Variants in POU2F1 observed in about 807,000 individuals in gnomAD.
POU2F1 encodes the protein POU domain, class 2, transcription factor 1.
In POU2F1, 16 loss-of-function variants were observed where a neutral mutation model predicts 84.9. That is an observed-to-expected ratio of 0.19 (90% CI 0.13 to 0.29). The LOEUF (loss-of-function observed/expected upper bound fraction) is 0.29, where lower values mean the gene tolerates loss of function less well. POU2F1 is among the 10% of genes least tolerant of loss of function. The probability of loss-of-function intolerance (pLI) is 1.00; values close to 1 mark genes in which losing one functional copy is unlikely to be tolerated. For missense variants in POU2F1, 738 were observed against 942.6 expected, an observed-to-expected ratio of 0.78 and a Z score of 2.84; for synonymous variants, 368 against 368.3, an observed-to-expected ratio of 1.00 and a Z score of 0.01.
intron 13 of POU2F1, among the ~76,000 whole-genome samples, chr1:167,410,712 C>T (rs1571465737): frequency 6.6e-6 from 1 of 151,912 alleles, no homozygotes; most frequent in Non-Finnish European, 1.5e-5. Context: ...GACGGGGTTT[C>T]ACCACATTGG....
intron 1 of POU2F1, among the ~76,000 whole-genome samples, chr1:167,258,911 G>A (rs549552859): frequency 6.6e-6 from 1 of 152,260 alleles, no homozygotes; most frequent in Admixed American, 6.5e-5. Flanking sequence ...ATGTTCTTCT[G>A]CAAAAACTAT....
intron 2 of POU2F1, among the ~76,000 whole-genome samples, chr1:167,352,275 G>A (rs1314583994): frequency 2.0e-5 from 3 of 152,060 alleles, no homozygotes; most frequent in Non-Finnish European, 4.4e-5. Flanking sequence ...TTTCTTGTGG[G>A]CTATAAAATT....
intron 1 of POU2F1, among the ~76,000 whole-genome samples, chr1:167,309,787 A>G (rs566530790): frequency 1.3e-5 from 2 of 152,138 alleles, no homozygotes; most frequent in African/African-American, 4.8e-5. Context: ...TGTTACATTT[A>G]AGGTGTTAAA....
intron 9 of POU2F1, among the ~76,000 whole-genome samples, chr1:167,394,555 T>A (rs1429129545): frequency 1.3e-5 from 2 of 152,338 alleles, no homozygotes; most frequent in African/African-American, 4.8e-5. Flanking sequence ...TTCTGTACAT[T>A]GGACATGGGA....
chr1:167,414,502 C>G, intron 15 of POU2F1: 1 of 985,396 alleles, frequency 1.0e-6, no homozygotes. Context: ...TAGAAAATCC[C>G]TCAAATCTAC....
intron 1 of POU2F1, among the ~76,000 whole-genome samples, chr1:167,303,744 T>G (rs1327909367): frequency 6.6e-6 from 1 of 152,108 alleles, no homozygotes; most frequent in Non-Finnish European, 1.5e-5. Flanking sequence ...TATGATGGAG[T>G]GATGCTTGGG....
chr1:167,315,124 T>A (rs1655794028), intron 1 of POU2F1, among the ~76,000 whole-genome samples: 1 of 152,230 alleles, frequency 6.6e-6, no homozygotes, highest in Admixed American at 6.5e-5. Context: ...CTATACAGCC[T>A]GCGGAACCTG....
chr1:167,297,595 T>C (rs1557876074), intron 1 of POU2F1, among the ~76,000 whole-genome samples: 1 of 152,192 alleles, frequency 6.6e-6, no homozygotes, highest in Non-Finnish European at 1.5e-5. Context: ...AAATTTGAAA[T>C]GCAGTTCACT....
chr1:167,252,741 A>T (rs1446021385), intron 1 of POU2F1, among the ~76,000 whole-genome samples: 2 of 152,264 alleles, frequency 1.3e-5, no homozygotes, highest in East Asian at 3.8e-4. Context: ...AATTCTGGTC[A>T]TTAGAAAATC....
At chr1:167,338,122 T>TCCTGCCTCC (rs929076483) in intron 2 of POU2F1, 2 of 418,550 alleles carry the variant, frequency 4.8e-6, no homozygotes, top group Non-Finnish European at 9.2e-6. Context: ...TGCCTGCCTC[T>TCCTGCCTCC]CCTGCCTCCC....
chr1:167,335,136 TA>T (rs1275937512), intron 2 of POU2F1, among the ~76,000 whole-genome samples: 1 of 152,190 alleles, frequency 6.6e-6, no homozygotes, highest in African/African-American at 2.4e-5. Flanking sequence ...TTTAGGTTTT[TA>T]AAAAATGTAT....
At chr1:167,382,221 T>A (rs1215284874) in intron 7 of POU2F1, among the ~76,000 whole-genome samples, 1 of 152,164 alleles carries the variant, frequency 6.6e-6, no homozygotes, top group Non-Finnish European at 1.5e-5. Flanking sequence ...TAGCGGATCA[T>A]AGTAATCTGG....
At chr1:167,244,027 C>T (rs1650120221) in intron 1 of POU2F1, among the ~76,000 whole-genome samples, 1 of 152,134 alleles carries the variant, frequency 6.6e-6, no homozygotes, top group Non-Finnish European at 1.5e-5. Flanking sequence ...TGCCAATCTC[C>T]TACTCATCCT....
At chr1:167,285,717 T>C (rs1653482206) in intron 1 of POU2F1, among the ~76,000 whole-genome samples, 1 of 152,224 alleles carries the variant, frequency 6.6e-6, no homozygotes, top group African/African-American at 2.4e-5. Flanking sequence ...TGCCGTATCC[T>C]GGGCTAGTGC....
rs1206964156 is a variant in POU2F1, at chr1:167,412,033, T to C, written c.1630T>C (p.Ser544Pro). 1.9e-6 allele frequency: 3 copies of C among 1,613,872 alleles called. No individual in the cohort carries two copies. Among genetic ancestry groups the C allele is most frequent in the Non-Finnish European group, 2.5e-6 (3 of 1,179,994 alleles). The change falls in exon 14 of 16, where the codon TCC becomes CCC. Residue 544 changes from serine (S) to proline (P), a missense_variant. Ser to Pro is a moderately conservative substitution (Grantham distance 74, BLOSUM62 -1). This residue lies in a region of POU2F1 where 319 missense variants were observed against 386.0 expected (regional missense o/e 0.83). Transcript: ENST00000367866. Reference sequence around the variant, plus strand: ...GCCTCCAGCTTCCTCAGCAGTCACGTCCCCCTCTCTGAGTCCCTCCCCTTC... The same window carrying C: ...GCCTCCAGCTTCCTCAGCAGTCACGCCCCCCTCTCTGAGTCCCTCCCCTTC... ...TAPPASSAVT[S>P]PSLSPSPSAS...
chr1:167,233,548 T>C (rs919163754), intron 1 of POU2F1, among the ~76,000 whole-genome samples: 4 of 152,348 alleles, frequency 2.6e-5, no homozygotes, highest in African/African-American at 9.6e-5. Flanking sequence ...GGCTATACCA[T>C]ATAGCTTAGG....
At chr1:167,277,814 G>A (rs539485185) in intron 1 of POU2F1, among the ~76,000 whole-genome samples, 1 of 152,156 alleles carries the variant, frequency 6.6e-6, no homozygotes, top group Non-Finnish European at 1.5e-5. Flanking sequence ...AGACTTAGGA[G>A]TAATTCCTAA....
In POU2F1 at chr1:167,426,521, A is replaced by G. The variant is rs771177729; in HGVS notation, c.*10711A>G. 1.3e-5 allele frequency: 2 copies of G among 152,124 alleles called. No homozygotes were observed. The highest frequency in any genetic ancestry group is 2.1e-4 in the South Asian group (1 of 4,832). 9.4% of individuals were successfully genotyped at this position (152,124 alleles called of 1,614,324 possible). On this transcript the variant is annotated 3_prime_UTR_variant, in exon 16 of 16. Transcript: ENST00000367866. Reference sequence around the variant, plus strand: ...TTCCTCATTACTGTTCCCAACTGGGATTTTGTTTTCTTTTAAAGAGACAGT... The same window carrying G: ...TTCCTCATTACTGTTCCCAACTGGGGTTTTGTTTTCTTTTAAAGAGACAGT...
intron 1 of POU2F1, among the ~76,000 whole-genome samples, chr1:167,270,850 G>C (rs1392919646): frequency 6.6e-6 from 1 of 152,164 alleles, no homozygotes; most frequent in Admixed American, 6.5e-5. Context: ...CTCCTGCCCA[G>C]CACATTTCTG....
Sources: allele counts gnomAD v4.1 joint callset (sites outside exome capture counted in the v4.1 genomes callset), GRCh38; gene constraint gnomAD v4.1.1; regional missense constraint gnomAD v4.1.1; transcripts MANE v1.5; gene names NCBI Gene and HGNC (gene_info 2026-07-23, HGNC 2026-07-21).